The following PLCG2 variants were observed in gnomAD, a reference collection of about 807,000 sequenced individuals.
PLCG2 encodes 1-phosphatidylinositol 4,5-bisphosphate phosphodiesterase gamma-2.
In PLCG2, 69 loss-of-function variants were observed where a neutral mutation model predicts 175.6. The observed-to-expected ratio is 0.39, with a 90% CI of 0.32 to 0.48. The LOEUF (loss-of-function observed/expected upper bound fraction) is 0.48, where lower values mean the gene tolerates loss of function less well. PLCG2 is among the 20% of genes least tolerant of loss of function. The pLI is 0.91. For synonymous variants in PLCG2, 827 were observed against 624.0 expected (o/e 1.33, Z -4.85); for missense variants, 1,798 against 1,650.9 (o/e 1.09, Z -1.54).
chr16:81,821,537 C>G (rs1003618485), intron 2 of PLCG2, among the ~76,000 whole-genome samples: 2 of 152,114 alleles, frequency 1.3e-5, no homozygotes, highest in Non-Finnish European at 2.9e-5. Flanking sequence ...GGTGGTTTTC[C>G]TTTTGAGGTG....
In PLCG2 at chr16:81,956,818, G is replaced by C; in HGVS notation, c.3694G>C (p.Val1232Leu). The change falls in exon 32 of 33, where the codon GTT (valine) becomes CTT (leucine). Residue 1232 changes from valine to leucine, a missense_variant. By Grantham distance (32) the Val-to-Leu change is conservative. Transcript: ENST00000564138. ...GCGCAATGCCAACCGGGATGCCCTGGTTAAAGAGTTCAGTGTTAATGAGAA... is the reference window on the plus strand; with the variant it reads ...GCGCAATGCCAACCGGGATGCCCTGCTTAAAGAGTTCAGTGTTAATGAGAA... Reference protein sequence around the residue: ...NLRNANRDALVKEFSVNENQL... With the variant: ...NLRNANRDALLKEFSVNENQL... 1 of 1,614,140 alleles carries C rather than the reference G, an allele frequency of 6.2e-7. No homozygotes were observed. Among genetic ancestry groups the C allele is most frequent in the Non-Finnish European group, 8.5e-7 (1 of 1,180,014 alleles).
chr16:81,939,457 G>C (rs1910849485), intron 29 of PLCG2, among the ~76,000 whole-genome samples: 1 of 152,198 alleles, frequency 6.6e-6, no homozygotes, highest in Non-Finnish European at 1.5e-5. Flanking sequence ...AAATAAACTG[G>C]CATTTATGGA....
chr16:81,943,127 T>A (rs4520828), intron 30 of PLCG2, among the ~76,000 whole-genome samples: 2 of 152,160 alleles, frequency 1.3e-5, no homozygotes, highest in African/African-American at 2.4e-5. Context: ...CCTCCCGGAA[T>A]GCCATGGAGC....
At chr16:81,858,394 A>C in intron 4 of PLCG2, 38 bp downstream of exon 4, 1 of 1,345,400 alleles carries the variant, frequency 7.4e-7, no homozygotes, top group Non-Finnish European at 1.1e-6. Flanking sequence ...GTAGTTGCTG[A>C]TTCCTTTATT....
intron 2 of PLCG2, among the ~76,000 whole-genome samples, chr16:81,816,111 C>T (rs577953083): frequency 1.6e-4 from 24 of 151,476 alleles, no homozygotes; most frequent in African/African-American, 5.6e-4. Flanking sequence ...TGGCTTATGC[C>T]GGTAATCCCA....
chr16:81,859,744 G>A lies in PLCG2; in HGVS notation c.479+581G>A, dbSNP rs530338123. 2.8e-4 allele frequency among the ~76,000 whole-genome samples: 42 copies of A among 152,096 alleles called. No homozygotes were observed. The East Asian group carries it at 3.1e-3, about 11-fold the overall frequency. On this transcript the variant is annotated intron_variant, in intron 5 of 32. Coordinates refer to ENST00000564138, the MANE Select transcript of PLCG2 (RefSeq NM_002661.5). ...GTAGAGACAGGGTTTCACCATGTTC[G>A]GCAGGATGGTCTTGAACTCCTGACC...
chr16:81,770,324 A>G (rs568732721), intron 2 of PLCG2, among the ~76,000 whole-genome samples: 20 of 152,366 alleles, frequency 1.3e-4, no homozygotes, highest in African/African-American at 4.1e-4. Context: ...TTAGTTTTCT[A>G]TAACAACTAA....
chr16:81,740,724 C>CAAAAAAAAAAAA (rs746287603), intron 1 of PLCG2: 1 of 27,938 alleles, frequency 3.6e-5, no homozygotes, highest in Non-Finnish European at 7.1e-5. Context: ...GACTCCATCT[C>CAAAAAAAAAAAA]AAAAAAAAAA....
At position 81,937,647 on chromosome 16, in the gene PLCG2, T is replaced by G. The variant is rs1910769082; in HGVS notation, c.3053-111T>G. 32 of 895,060 alleles carry G rather than the reference T, an allele frequency of 3.6e-5. No homozygotes were observed. In the East Asian group the frequency reaches 8.1e-4, roughly 23 times the overall value. The allele number at this position is 895,060 out of a possible 1,614,324, so 55.4% of individuals were successfully genotyped here. A position where few individuals can be genotyped will look rare whatever the true frequency, so the allele number is the denominator to read the frequency against. On this transcript the variant is annotated intron_variant, in intron 27 of 32. Transcript: ENST00000564138. ...TGAGATACCTATTTGAACAGCTGCC[T>G]CACATTAATTTGGGGAAAAGGTGAA...
Position 81,786,084 on chromosome 16 carries a change from G to T in PLCG2, c.95G>T (p.Ser32Ile). The T allele has an allele frequency of 6.2e-7, 1 of 1,614,226 alleles. No individual in the cohort carries two copies. The highest frequency in any genetic ancestry group is 2.2e-5 in the East Asian group (1 of 44,884). The change falls in exon 2 of 33, where the codon AGC becomes ATC. Residue 32 changes from serine (S) to isoleucine (I), a missense_variant. By Grantham distance (142) the Ser-to-Ile change is moderately radical (BLOSUM62 -2). Coordinates refer to ENST00000564138, the MANE Select transcript of PLCG2 (RefSeq NM_002661.5). The part of the protein sequence containing the change: ...LELGTVMTVF[S>I]FRKSTPERRT... ...CTGGGGACGGTGATGACTGTGTTCA[G>T]CTTCCGCAAGTCCACCCCCGAGCGG...
At chr16:81,796,568 T>A (rs1911478315) in intron 2 of PLCG2, among the ~76,000 whole-genome samples, 1 of 152,234 alleles carries the variant, frequency 6.6e-6, no homozygotes, top group Non-Finnish European at 1.5e-5. Flanking sequence ...AAGGTCCTAA[T>A]CCCCATACTC....
intron 14 of PLCG2, among the ~76,000 whole-genome samples, chr16:81,901,572 C>A (rs1036321809): frequency 1.3e-5 from 2 of 152,130 alleles, no homozygotes; most frequent in African/African-American, 4.8e-5. Flanking sequence ...CAGAGGGGCA[C>A]GTGAACTTCA....
At chr16:81,781,394 T>G (rs1027186716) in intron 1 of PLCG2, among the ~76,000 whole-genome samples, 1 of 145,916 alleles carries the variant, frequency 6.9e-6, no homozygotes, top group Admixed American at 7.0e-5. Context: ...CCCCCCACAT[T>G]GATGAGCAGT....
At chr16:81,778,333 G>A (rs1910548937), upstream of PLCG2, among the ~76,000 whole-genome samples, 1 of 152,158 alleles carries the variant, frequency 6.6e-6, no homozygotes, top group Non-Finnish European at 1.5e-5. Context: ...TGGCACCACT[G>A]CACTCCAGCC....
intron 30 of PLCG2, among the ~76,000 whole-genome samples, chr16:81,941,620 G>C (rs181960973): frequency 1.6e-3 from 233 of 149,798 alleles, no homozygotes; most frequent in African/African-American, 5.5e-3. Flanking sequence ...TGCTACTCTA[G>C]CAATAATAAT....
chr16:81,931,391 G>C, intron 24 of PLCG2, 106 bp from the exon 25 acceptor site: 1 of 1,050,624 alleles, frequency 9.5e-7, no homozygotes, highest in South Asian at 1.5e-5. Context: ...CGTGGTCATA[G>C]CAGTGGTGGT....
chr16:81,886,344 A>T (rs528294003), intron 9 of PLCG2, among the ~76,000 whole-genome samples: 13 of 152,328 alleles, frequency 8.5e-5, no homozygotes, highest in African/African-American at 2.9e-4. Flanking sequence ...CATCCATGCG[A>T]TGTTTGTTGG....
chr16:81,903,305 G>A (rs1909230012), intron 14 of PLCG2, among the ~76,000 whole-genome samples: 1 of 152,106 alleles, frequency 6.6e-6, no homozygotes, highest in Non-Finnish European at 1.5e-5. Context: ...AGGAAGTCGT[G>A]GTTTGGTAGG....
rs1447212251 is a variant in PLCG2, at chr16:81,946,197, G to T, written c.3504G>T (p.Lys1168Asn). ...VKSGFRSVPL[K>N]NGYSEDIELA... ...CAGGATTCAGGTCCGTTCCTCTGAAGAATGGGTACAGCGAGGACATAGAGC... is the reference window on the plus strand; with the variant it reads ...CAGGATTCAGGTCCGTTCCTCTGAATAATGGGTACAGCGAGGACATAGAGC... Residue 1168 changes from lysine (K) to asparagine (N), a missense_variant, in exon 31 of 33, where the codon AAG (lysine) becomes AAT (asparagine). Lys to Asn is a moderately conservative substitution (Grantham distance 94). Transcript: ENST00000564138. 5.0e-6 allele frequency: 8 copies of T among 1,613,874 alleles called. No homozygotes were observed. Among genetic ancestry groups the T allele is most frequent in the Non-Finnish European group, 5.9e-6 (7 of 1,179,782 alleles).
Sources: allele counts gnomAD v4.1 joint callset (sites outside exome capture counted in the v4.1 genomes callset), GRCh38; gene constraint gnomAD v4.1.1; transcripts MANE v1.5; gene names NCBI Gene and HGNC (gene_info 2026-07-23, HGNC 2026-07-21).